ASAP2: variants seen among roughly 807,000 people sequenced by gnomAD.
ASAP2 encodes ArfGAP with SH3 domain, ankyrin repeat and PH domain 2.
In ASAP2, 45 loss-of-function variants were observed where a neutral mutation model predicts 131.4. The observed-to-expected ratio is 0.34, with a 90% CI of 0.27 to 0.44. The LOEUF is 0.44. ASAP2 is among the 20% of genes least tolerant of loss of function. The pLI is 1.00. For synonymous variants in ASAP2, 510 were observed against 503.0 expected (o/e 1.01, Z -0.19); for missense variants, 1,011 against 1,297.0 (o/e 0.78, Z 3.39).
At chr2:9,286,447 A>AAAAAATATATATATATATATATAT (rs58605449) in intron 2 of ASAP2, among the ~76,000 whole-genome samples, 2 of 148,418 alleles carry the variant, frequency 1.3e-5, no homozygotes, top group African/African-American at 5.1e-5. Context: ...GAAAAAAAAA[A>AAAAAATATATATATATATATATAT]ATATATATAT....
At chr2:9,286,447 A>AATATATATATATAT (rs1553304561) in intron 2 of ASAP2, among the ~76,000 whole-genome samples, 46 of 148,488 alleles carry the variant, frequency 3.1e-4, no homozygotes, top group African/African-American at 8.3e-4. Flanking sequence ...GAAAAAAAAA[A>AATATATATATATAT]ATATATATAT....
chr2:9,373,387 G>A (rs1473426483), intron 16 of ASAP2, among the ~76,000 whole-genome samples: 2 of 152,250 alleles, frequency 1.3e-5, no homozygotes, highest in Non-Finnish European at 2.9e-5. Context: ...CCAAGGACAA[G>A]CAGATTTGAG....
At chr2:9,224,636 C>T (rs1161777715) in intron 1 of ASAP2, among the ~76,000 whole-genome samples, 1 of 152,212 alleles carries the variant, frequency 6.6e-6, no homozygotes, top group African/African-American at 2.4e-5. Context: ...CTGATTTCTT[C>T]TTTGAAAAAC....
intron 18 of ASAP2, among the ~76,000 whole-genome samples, chr2:9,377,410 G>T (rs1674492723): frequency 6.6e-6 from 1 of 152,248 alleles, no homozygotes; most frequent in African/African-American, 2.4e-5. Flanking sequence ...GTCTGAGCCA[G>T]AGATTAGAAA....
chr2:9,271,360 T>A, intron 1 of ASAP2: 1 of 1,237,496 alleles, frequency 8.1e-7, no homozygotes, highest in Non-Finnish European at 1.2e-6. Flanking sequence ...ATATATGTTC[T>A]TGCACCTGTC....
chr2:9,215,136 A>G (rs1029415763), intron 1 of ASAP2, among the ~76,000 whole-genome samples: 3 of 152,200 alleles, frequency 2.0e-5, no homozygotes, highest in Non-Finnish European at 2.9e-5. Flanking sequence ...ACCTTACAGC[A>G]TGCCACTGTG....
chr2:9,248,028 A>C (rs1664452350), intron 1 of ASAP2, among the ~76,000 whole-genome samples: 1 of 152,244 alleles, frequency 6.6e-6, no homozygotes, highest in Non-Finnish European at 1.5e-5. Flanking sequence ...GGAAGTCAAC[A>C]GAAAAGGCCT....
At chr2:9,233,111 A>G (rs1311430844) in intron 1 of ASAP2, among the ~76,000 whole-genome samples, 1 of 152,180 alleles carries the variant, frequency 6.6e-6, no homozygotes, top group East Asian at 1.9e-4. Context: ...ATACAGAGAT[A>G]CGGCTTTGAG....
rs58620535 is a variant in ASAP2 at position 9,217,620 on chromosome 2, G to GT, written c.126+10401dup. Among the ~76,000 whole-genome samples the GT allele has an allele frequency of 0.11, 16,586 of 147,424 alleles. 1,161 individuals are homozygous for GT. Among genetic ancestry groups the GT allele is most frequent in the South Asian group, 0.18 (833 of 4,646 alleles). Reference sequence around the variant, plus strand: ...TCTTAGAGGTATGTTTTTGTTTTTTGTTTTTTTTTTTGAGACGGAGTCTTC... The same window carrying GT: ...TCTTAGAGGTATGTTTTTGTTTTTTGTTTTTTTTTTTTGAGACGGAGTCTTC... On this transcript the variant is annotated intron_variant, in intron 1 of 27. Coordinates refer to ENST00000281419, the MANE Select transcript of ASAP2 (RefSeq NM_003887.3). The surrounding 1 kb of genome is among the most constrained non-coding windows in gnomAD (Gnocchi z 4.0).
rs984974123 is a variant in ASAP2 at position 9,404,277 on chromosome 2, T to C, written c.*950T>C. 1.3e-5 allele frequency: 2 copies of C among 152,238 alleles called. No individual in the cohort carries two copies. Among genetic ancestry groups the C allele is most frequent in the African/African-American group, 4.8e-5 (2 of 41,466 alleles). The allele number at this position is 152,238 out of a possible 1,614,324, so 9.4% of individuals were successfully genotyped here. On this transcript the variant is annotated 3_prime_UTR_variant, in exon 28 of 28. Coordinates refer to ENST00000281419, the MANE Select transcript of ASAP2 (RefSeq NM_003887.3). The stretch of plus-strand genomic sequence containing the variant: ...TTTACTCAGTTTAGTGTCTTGTATT[T>C]CTATAATACTCCAACAGGAATGGTA...
chr2:9,339,971 C>T (rs530459952), intron 9 of ASAP2, among the ~76,000 whole-genome samples: 10 of 152,286 alleles, frequency 6.6e-5, no homozygotes, highest in South Asian at 2.1e-4. Context: ...GTGTGGCCAA[C>T]GATCCTTACA....
intron 3 of ASAP2, among the ~76,000 whole-genome samples, chr2:9,308,531 G>A (rs535095943): frequency 7.2e-5 from 11 of 152,038 alleles, no homozygotes; most frequent in Non-Finnish European, 1.3e-4. Context: ...TGTACCTGAC[G>A]GGCTGCTCTG....
At chr2:9,346,085 C>T (rs1374798991) in intron 11 of ASAP2, among the ~76,000 whole-genome samples, 2 of 151,982 alleles carry the variant, frequency 1.3e-5, no homozygotes, top group South Asian at 2.1e-4. Flanking sequence ...TGATCACCAC[C>T]GTACTCCCCC....
At chr2:9,274,255 C>G (rs1666601083) in intron 1 of ASAP2, among the ~76,000 whole-genome samples, 1 of 151,198 alleles carries the variant, frequency 6.6e-6, no homozygotes, top group East Asian at 1.9e-4. Flanking sequence ...TGTCTAATCT[C>G]TAGCTAGGAC....
At chr2:9,317,036 CCAAT>C (rs75555887) in intron 3 of ASAP2, among the ~76,000 whole-genome samples, 42,026 of 147,692 alleles carry the variant, frequency 0.28, 6,403 homozygotes, top group Non-Finnish European at 0.35. Context: ...GCAATCATTC[CCAAT>C]CACTCACATC....
chr2:9,224,654 T>C (rs943997450), intron 1 of ASAP2, among the ~76,000 whole-genome samples: 4 of 152,234 alleles, frequency 2.6e-5, no homozygotes, highest in Non-Finnish European at 4.4e-5. Flanking sequence ...AACATAATCA[T>C]ATCCTTTCTT....
rs113238701 is a variant in ASAP2, at chr2:9,335,071, TTG to T, written c.763-10_763-9del. The T allele has an allele frequency of 2.9e-4, 460 of 1,591,004 alleles. No individual in the cohort carries two copies. Among genetic ancestry groups the T allele is most frequent in the Non-Finnish European group, 3.3e-4 (381 of 1,161,450 alleles). On this transcript the variant is annotated intron_variant, in intron 8 of 27. Coordinates refer to ENST00000281419, the MANE Select transcript of ASAP2 (RefSeq NM_003887.3). ...AGTCTTAATTTTCTGATTGGTTCTG[TTG>T]TGTGTGTGTGTTTTTAAAGATCAAA...
intron 1 of ASAP2, among the ~76,000 whole-genome samples, chr2:9,213,622 G>A (rs1462391519): frequency 6.6e-6 from 1 of 152,160 alleles, no homozygotes; most frequent in Non-Finnish European, 1.5e-5. Flanking sequence ...AGCAGGGGGG[G>A]TGGTGGTAAG....
chr2:9,385,002 G>A (rs1401276057), intron 20 of ASAP2, among the ~76,000 whole-genome samples: 2 of 152,238 alleles, frequency 1.3e-5, no homozygotes, highest in Non-Finnish European at 2.9e-5. Flanking sequence ...TGAGAGTTAC[G>A]AGCCGGGAAC....
Sources: allele counts gnomAD v4.1 joint callset (sites outside exome capture counted in the v4.1 genomes callset), GRCh38; gene constraint gnomAD v4.1.1; non-coding constraint Gnocchi (gnomAD v3.1); transcripts MANE v1.5; gene names NCBI Gene and HGNC (gene_info 2026-07-23, HGNC 2026-07-21).